Variants in CRACD observed in about 807,000 individuals in gnomAD.
The protein encoded by CRACD is capping protein inhibiting regulator of actin dynamics.
In CRACD, 56 loss-of-function variants were observed where a neutral mutation model predicts 106.8. That is an observed-to-expected ratio of 0.52 (90% CI 0.42 to 0.66). The LOEUF (loss-of-function observed/expected upper bound fraction) is 0.66. CRACD is among the 30% of genes least tolerant of loss of function. The pLI, the probability that CRACD is intolerant of heterozygous loss-of-function variation, is 0.00. For missense variants in CRACD, 1,730 were observed against 1,623.2 expected (o/e 1.07, Z -1.13); for synonymous variants, 754 against 670.8 (o/e 1.12, Z -1.92).
chr4:56,310,697 T>G lies in CRACD; in HGVS notation c.317T>G (p.Leu106Arg). Residue 106 changes from leucine to arginine, a missense_variant, in exon 6 of 11, where the codon CTG (leucine) becomes CGG (arginine). Around this residue, in one of 5 missense-constraint regions of CRACD, gnomAD observed 1,620 missense variants for 1,481.6 expected, o/e 1.09. Coordinates refer to ENST00000682029, the MANE Select transcript of CRACD (RefSeq NM_001393381.1). ...GATACGCCAAGTTCTCTAAGTCCTCTGAATCTCCCTGGAGCTGGAAGTGAG... is the reference window on the plus strand; with the variant it reads ...GATACGCCAAGTTCTCTAAGTCCTCGGAATCTCCCTGGAGCTGGAAGTGAG... ...SSDTPSSLSP[L>R]NLPGAGSEME... The G allele has an allele frequency of 3.7e-6, 6 of 1,612,004 alleles. No homozygotes were observed. The South Asian group carries it at 6.6e-5, about 18-fold the overall frequency.
At chr4:56,240,100 G>C (rs528243594) in intron 2 of CRACD, among the ~76,000 whole-genome samples, 75 of 152,028 alleles carry the variant, frequency 4.9e-4, no homozygotes, top group African/African-American at 1.8e-3. Context: ...TGATAATACA[G>C]AGCTATAAGA....
Position 56,328,266 on chromosome 4 carries a change from T to C in CRACD, c.*462T>C, listed in dbSNP as rs1382285695. Reference sequence around the variant, plus strand: ...CCTTTCTACAGTAATGGTGAAAGGATCATATCTAGCTAAAAGCAAGAACAC... The same window carrying C: ...CCTTTCTACAGTAATGGTGAAAGGACCATATCTAGCTAAAAGCAAGAACAC... On this transcript the variant is annotated 3_prime_UTR_variant, in exon 11 of 11. Coordinates refer to ENST00000682029, the MANE Select transcript of CRACD (RefSeq NM_001393381.1). 1 of 515,176 alleles carries C rather than the reference T, an allele frequency of 1.9e-6. No individual in the cohort carries two copies. The highest frequency in any genetic ancestry group is 1.9e-5 in the African/African-American group (1 of 51,910). The allele number at this position is 515,176 out of a possible 1,614,324, so 31.9% of individuals were successfully genotyped here.
intron 8 of CRACD, among the ~76,000 whole-genome samples, chr4:56,318,470 C>G (rs1227806838): frequency 6.6e-6 from 1 of 152,190 alleles, no homozygotes; most frequent in African/African-American, 2.4e-5. Flanking sequence ...TCTGCAAAGT[C>G]TCTCTCACAG....
At position 56,291,274 on chromosome 4, in the gene CRACD, A is replaced by G. The variant is rs542980583; in HGVS notation, c.-16-6940A>G. Among the ~76,000 whole-genome samples the G allele has an allele frequency of 7.2e-5, 11 of 152,294 alleles. No homozygotes were observed. The South Asian group carries it at 2.3e-3, about 32-fold the overall frequency. ...AGAGGTGGAGTTGGCCTGCTTCACA[A>G]TCAACTGCGAAAGGTCTTTAAATGT... On this transcript the variant is annotated intron_variant, in intron 3 of 10. Transcript: ENST00000682029.
intron 1 of CRACD, among the ~76,000 whole-genome samples, chr4:56,173,145 C>T (rs186754316): frequency 2.6e-5 from 4 of 152,308 alleles, no homozygotes; most frequent in East Asian, 3.9e-4. Context: ...CCCCACAGAT[C>T]GCAGGAGCTG....
intron 2 of CRACD, among the ~76,000 whole-genome samples, chr4:56,220,596 A>G (rs374121556): frequency 2.0e-5 from 3 of 152,144 alleles, no homozygotes; most frequent in East Asian, 3.8e-4. Flanking sequence ...GCGGACTGGT[A>G]AAATTCTTTG....
intron 2 of CRACD, among the ~76,000 whole-genome samples, chr4:56,233,875 T>C (rs953202546): frequency 2.0e-5 from 3 of 152,198 alleles, no homozygotes; most frequent in African/African-American, 7.2e-5. Context: ...CTCTTATAAT[T>C]GTTTTGTAGT....
At chr4:56,188,194 A>G (rs1737165874) in intron 2 of CRACD, among the ~76,000 whole-genome samples, 1 of 152,308 alleles carries the variant, frequency 6.6e-6, no homozygotes, top group African/African-American at 2.4e-5. Context: ...GGACTTGGAT[A>G]TGTATATGTA....
Position 56,314,394 on chromosome 4 carries a change from C to T in CRACD, c.892C>T (p.Pro298Ser). 3 of 1,128,140 alleles carry T rather than the reference C, an allele frequency of 2.7e-6. No individual in the cohort carries two copies. The highest frequency in any genetic ancestry group is 3.1e-5 in the South Asian group (2 of 63,966). 69.9% of individuals were successfully genotyped at this position (1,128,140 alleles called of 1,614,324 possible). A position where few individuals can be genotyped will look rare whatever the true frequency, so the allele number is the denominator to read the frequency against. The change falls in exon 8 of 11, where the codon CCA becomes TCA. Residue 298 changes from proline (P) to serine (S), a missense_variant. By Grantham distance (74) the Pro-to-Ser change is moderately conservative (BLOSUM62 -1). This residue lies in a region of CRACD where 1,620 missense variants were observed against 1,481.6 expected (regional missense o/e 1.09). Coordinates refer to ENST00000682029, the MANE Select transcript of CRACD (RefSeq NM_001393381.1). The surrounding 1 kb of genome is among the most constrained non-coding windows in gnomAD (Gnocchi z 4.4). The part of the protein sequence containing the change: ...REEQQRSLEA[P>S]GWEDAERRER... ...AGAGCAGCAGCGGAGCCTGGAAGCG[C>T]CAGGTTGGGAGGACGCGGAGCGGAG...
chr4:56,237,871 T>C (rs1313517744), intron 2 of CRACD, among the ~76,000 whole-genome samples: 1 of 151,886 alleles, frequency 6.6e-6, no homozygotes, highest in Non-Finnish European at 1.5e-5. Flanking sequence ...TATGTATAGA[T>C]ATAACCCAGC....
At chr4:56,308,492 CAA>C (rs10712608) in intron 5 of CRACD, among the ~76,000 whole-genome samples, 4 of 150,240 alleles carry the variant, frequency 2.7e-5, no homozygotes, top group Admixed American at 6.6e-5. Context: ...AAAAAACAAA[CAA>C]AAAAAAAACC....
chr4:56,092,148 G>A (rs923730554), intron 1 of CRACD, among the ~76,000 whole-genome samples: 1 of 152,222 alleles, frequency 6.6e-6, no homozygotes, highest in African/African-American at 2.4e-5. Flanking sequence ...ACCTGTGGAG[G>A]AGGGTGACAG....
intron 3 of CRACD, among the ~76,000 whole-genome samples, chr4:56,291,309 A>G (rs919705520): frequency 6.6e-6 from 1 of 152,228 alleles, no homozygotes; most frequent in Non-Finnish European, 1.5e-5. Flanking sequence ...TCAAGAATAA[A>G]GAAGTCCGGA....
intron 1 of CRACD, among the ~76,000 whole-genome samples, chr4:56,113,080 G>C (rs1734172504): frequency 6.6e-6 from 1 of 152,076 alleles, no homozygotes; most frequent in South Asian, 2.1e-4. Context: ...GAGGTCAGTG[G>C]CATCTTAATA....
At chr4:56,128,792 A>T (rs536663917) in intron 1 of CRACD, among the ~76,000 whole-genome samples, 2 of 152,318 alleles carry the variant, frequency 1.3e-5, no homozygotes, top group African/African-American at 4.8e-5. Flanking sequence ...TCTTTTCTAC[A>T]TTAAAATAAA....
At chr4:56,324,366 G>A in intron 10 of CRACD, 100 bp downstream of exon 10, 1 of 1,089,880 alleles carries the variant, frequency 9.2e-7, no homozygotes, top group South Asian at 1.9e-5. Context: ...AGCACCTCAG[G>A]CATTTCAAAG....
At chr4:56,184,967 TA>T (rs1737019379) in intron 2 of CRACD, among the ~76,000 whole-genome samples, 1 of 152,220 alleles carries the variant, frequency 6.6e-6, no homozygotes, top group South Asian at 2.1e-4. Flanking sequence ...ATTTTATTTT[TA>T]TTTTTTGAGA....
intron 5 of CRACD, 94 bp from the exon 6 acceptor site, chr4:56,310,572 G>C (rs1745082092): frequency 1.2e-6 from 1 of 845,094 alleles, no homozygotes; most frequent in East Asian, 2.5e-5. Context: ...GTGTAGAGGA[G>C]GGGGTGACCC....
intron 1 of CRACD, among the ~76,000 whole-genome samples, chr4:56,152,072 C>T (rs1401210396): frequency 2.7e-5 from 4 of 148,310 alleles, no homozygotes; most frequent in African/African-American, 5.0e-5. Context: ...TGCGGTGGTG[C>T]GGTCTCGGCT....
Sources: allele counts gnomAD v4.1 joint callset (sites outside exome capture counted in the v4.1 genomes callset), GRCh38; gene constraint gnomAD v4.1.1; regional missense constraint gnomAD v4.1.1; non-coding constraint Gnocchi (gnomAD v3.1); transcripts MANE v1.5; gene names NCBI Gene and HGNC (gene_info 2026-07-23, HGNC 2026-07-21).